IQCM: variants seen among roughly 807,000 people sequenced by gnomAD.
The protein encoded by IQCM is IQ domain-containing protein M.
A neutral mutation model predicts 57.6 loss-of-function variants in IQCM; 45 were observed. That is an observed-to-expected ratio of 0.78 (90% CI 0.62 to 1.00). The LOEUF is 1.00. IQCM is among the 50% of genes least tolerant of loss of function. IQCM has a pLI of 0.00. For missense variants in IQCM, 468 were observed against 511.6 expected, an observed-to-expected ratio of 0.91 and a Z score of 0.82; for synonymous variants, 148 against 158.9, an observed-to-expected ratio of 0.93 and a Z score of 0.51.
chr4:149,494,569 C>T (rs1742451863), intron 12 of IQCM, among the ~76,000 whole-genome samples: 1 of 152,054 alleles, frequency 6.6e-6, no homozygotes, highest in Admixed American at 6.6e-5. Flanking sequence ...CATCATTTCC[C>T]TAACAGAAAG....
chr4:149,785,898 G>A (rs528317885), intron 2 of IQCM, among the ~76,000 whole-genome samples: 105 of 151,406 alleles, frequency 6.9e-4, no homozygotes, highest in Middle Eastern at 3.5e-3. Context: ...GATGTAGTTT[G>A]TTGAGTCCTG....
At chr4:149,532,521 T>G (rs1746852065) in intron 12 of IQCM, among the ~76,000 whole-genome samples, 1 of 151,764 alleles carries the variant, frequency 6.6e-6, no homozygotes, top group Non-Finnish European at 1.5e-5. Context: ...TTTTTTTTTT[T>G]TTTTTGTCCC....
intron 5 of IQCM, among the ~76,000 whole-genome samples, chr4:149,716,975 T>C (rs1406553793): frequency 6.6e-6 from 1 of 152,192 alleles, no homozygotes; most frequent in Admixed American, 6.5e-5. Context: ...GCCAGGAGGA[T>C]GGCACATCCC....
intron 2 of IQCM, among the ~76,000 whole-genome samples, chr4:149,792,400 A>G (rs944351251): frequency 1.3e-5 from 2 of 152,164 alleles, no homozygotes; most frequent in Middle Eastern, 3.2e-3. Context: ...TCTACCAAAA[A>G]TAAAAAAATA....
chr4:149,394,751 TA>T (rs1283409861), intron 13 of IQCM, among the ~76,000 whole-genome samples: 1 of 152,032 alleles, frequency 6.6e-6, no homozygotes, highest in Non-Finnish European at 1.5e-5. Flanking sequence ...GCTTCCACAG[TA>T]GCAATTACAT....
intron 8 of IQCM, among the ~76,000 whole-genome samples, chr4:149,606,912 C>T (rs1252970337): frequency 6.6e-6 from 1 of 151,914 alleles, no homozygotes; most frequent in Non-Finnish European, 1.5e-5. Flanking sequence ...CAACATCTAG[C>T]AAATAGTCTC....
At chr4:149,676,162 G>A (rs1010600089) in intron 7 of IQCM, among the ~76,000 whole-genome samples, 10 of 151,982 alleles carry the variant, frequency 6.6e-5, no homozygotes, top group Non-Finnish European at 1.5e-4. Flanking sequence ...CAAAATAGAA[G>A]AGCAAAAGGC....
intron 5 of IQCM, among the ~76,000 whole-genome samples, 167 bp from the exon 6 acceptor site, chr4:149,686,635 T>C (rs1336687244): frequency 6.6e-6 from 1 of 151,614 alleles, no homozygotes; most frequent in African/African-American, 2.4e-5. Context: ...TTTTCTTCAC[T>C]CCATGCTACT....
At chr4:149,770,017 G>C (rs1167507297) in intron 2 of IQCM, among the ~76,000 whole-genome samples, 1 of 149,140 alleles carries the variant, frequency 6.7e-6, no homozygotes, top group African/African-American at 2.4e-5. Context: ...CAACAAAAAA[G>C]AAAAAAAATA....
intron 12 of IQCM, among the ~76,000 whole-genome samples, chr4:149,516,287 G>C (rs1311948061): frequency 6.6e-6 from 1 of 152,156 alleles, no homozygotes; most frequent in African/African-American, 2.4e-5. Context: ...TCTGGATATG[G>C]GTTTGCCTAT....
chr4:149,370,510 T>C (rs1170854876), intron 13 of IQCM, among the ~76,000 whole-genome samples: 1 of 150,552 alleles, frequency 6.6e-6, no homozygotes, highest in African/African-American at 2.4e-5. Flanking sequence ...ATCATTTGCA[T>C]ATATATATAT....
intron 7 of IQCM, among the ~76,000 whole-genome samples, chr4:149,666,926 G>C (rs1383915151): frequency 1.3e-5 from 2 of 152,140 alleles, no homozygotes; most frequent in African/African-American, 4.8e-5. Context: ...AGCAGCACCA[G>C]TCAGGGTCTT....
intron 3 of IQCM, among the ~76,000 whole-genome samples, chr4:149,735,923 T>C (rs971973624): frequency 6.6e-6 from 1 of 152,060 alleles, no homozygotes; most frequent in Non-Finnish European, 1.5e-5. Flanking sequence ...TATGGATTTT[T>C]CTAAGTTTCT....
chr4:149,700,661 T>C (rs1462222180), intron 5 of IQCM, among the ~76,000 whole-genome samples: 3 of 152,026 alleles, frequency 2.0e-5, no homozygotes, highest in Non-Finnish European at 4.4e-5. Context: ...GTCAGGAGCA[T>C]GGGCATTTGA....
At chr4:149,416,785 C>G (rs1298897931) in intron 13 of IQCM, among the ~76,000 whole-genome samples, 1 of 152,032 alleles carries the variant, frequency 6.6e-6, no homozygotes, top group Non-Finnish European at 1.5e-5. Flanking sequence ...GAATACAGAC[C>G]AGGTGGGCAA....
intron 12 of IQCM, among the ~76,000 whole-genome samples, chr4:149,446,397 C>T (rs1736513485): frequency 6.6e-6 from 1 of 151,626 alleles, no homozygotes; most frequent in Non-Finnish European, 1.5e-5. Context: ...AGCTTACTGG[C>T]TCAAATATGA....
intron 12 of IQCM, among the ~76,000 whole-genome samples, chr4:149,480,850 G>A (rs923661616): frequency 2.0e-5 from 3 of 152,080 alleles, no homozygotes; most frequent in Non-Finnish European, 2.9e-5. Flanking sequence ...GTTGTCCTTA[G>A]TGGTTTTCCT....
rs1772336278 is a variant in IQCM, at chr4:149,789,067, A to G, written c.-49+26244T>C. Among the ~76,000 whole-genome samples, 4 of 152,156 alleles carry G rather than the reference A, an allele frequency of 2.6e-5. No individual in the cohort carries two copies. In the South Asian group the frequency reaches 8.3e-4, roughly 32 times the overall value. ...AAACATGCAGCTAGATAGAAAGGGT[A>G]AGGTTTATTGTTCAACAGCAAAGTA... On this transcript the variant is annotated intron_variant, in intron 2 of 13. Coordinates refer to ENST00000636793, the MANE Select transcript of IQCM (RefSeq NM_001363507.2).
At position 149,561,069 on chromosome 4, in the gene IQCM, A is replaced by C. The variant is rs184626863; in HGVS notation, c.948+2623T>G. 5.4e-4 allele frequency among the ~76,000 whole-genome samples: 82 copies of C among 152,326 alleles called. 3 individuals carry two copies. Among genetic ancestry groups the C allele is most frequent in the African/African-American group, 1.9e-3 (78 of 41,576 alleles). ...CACATCAACAAAGCAATCATCCAACAGATGAAGCACCATGCCAATGATGGA... is the reference window on the plus strand; with the variant it reads ...CACATCAACAAAGCAATCATCCAACCGATGAAGCACCATGCCAATGATGGA... On this transcript the variant is annotated intron_variant, in intron 10 of 13. Transcript: ENST00000636793.
Sources: allele counts gnomAD v4.1 joint callset (sites outside exome capture counted in the v4.1 genomes callset), GRCh38; gene constraint gnomAD v4.1.1; transcripts MANE v1.5; gene names NCBI Gene and HGNC (gene_info 2026-07-23, HGNC 2026-07-21).